Variants in LATS2 observed in about 807,000 individuals in gnomAD.
LATS2 encodes the protein large tumor suppressor kinase 2.
In LATS2, 24 loss-of-function variants were observed where a neutral mutation model predicts 76.0. That is an observed-to-expected ratio of 0.32 (90% CI 0.23 to 0.44). The LOEUF (loss-of-function observed/expected upper bound fraction) is 0.44, where lower values mean the gene tolerates loss of function less well. LATS2 is among the 20% of genes least tolerant of loss of function. LATS2 has a pLI of 1.00. For missense variants in LATS2, 1,286 were observed against 1,481.2 expected (o/e 0.87, Z 2.16); for synonymous variants, 692 against 635.4 (o/e 1.09, Z -1.34).
intron 2 of LATS2, among the ~76,000 whole-genome samples, chr13:20,996,147 T>G (rs1029781713): frequency 1.4e-4 from 21 of 152,142 alleles, no homozygotes; most frequent in African/African-American, 5.1e-4. Flanking sequence ...AGCACCAGAT[T>G]TGGCACAAGA....
intron 2 of LATS2, among the ~76,000 whole-genome samples, chr13:21,015,819 C>T (rs182508715): frequency 2.7e-4 from 40 of 150,086 alleles, no homozygotes; most frequent in African/African-American, 8.8e-4. Context: ...CTCGTCTCAG[C>T]CTCCCGAGTA....
intron 2 of LATS2, among the ~76,000 whole-genome samples, chr13:20,993,641 T>A (rs1261451362): frequency 1.3e-5 from 2 of 152,026 alleles, no homozygotes; most frequent in Non-Finnish European, 2.9e-5. Context: ...AAGTGGCGCC[T>A]GGACTACCAG....
intron 2 of LATS2, among the ~76,000 whole-genome samples, chr13:21,030,938 C>T (rs530668430): frequency 7.9e-5 from 12 of 151,866 alleles, no homozygotes; most frequent in Non-Finnish European, 1.3e-4. Flanking sequence ...TTTGTTCCCC[C>T]GGAAATGTCT....
chr13:21,030,613 A>AAAG (rs1555226890), intron 2 of LATS2, among the ~76,000 whole-genome samples: 45 of 19,492 alleles, frequency 2.3e-3, no homozygotes, highest in Admixed American at 5.6e-3. Context: ...AAAAAAAAAG[A>AAAG]AAAAAAAAAA....
intron 2 of LATS2, chr13:21,023,092 C>G (rs1329441687): frequency 6.6e-6 from 1 of 152,236 alleles, no homozygotes; most frequent in Non-Finnish European, 1.5e-5. Context: ...CAGTGTCGCT[C>G]GAGCCGGGGA....
At chr13:21,007,573 A>AGTATATATATATATATATATATATATAG (rs1192119841) in intron 2 of LATS2, among the ~76,000 whole-genome samples, 1 of 19,096 alleles carries the variant, frequency 5.2e-5, no homozygotes, top group Non-Finnish European at 7.0e-5. Flanking sequence ...ATATATATAT[A>AGTATATATATATATATATATATATATAG]TATATATATA....
At chr13:21,038,554 C>A (rs1872756004) in intron 2 of LATS2, 1 of 152,004 alleles carries the variant, frequency 6.6e-6, no homozygotes, top group Non-Finnish European at 1.5e-5. Context: ...TCAAAAATCG[C>A]CAGTGCTGAC....
chr13:21,008,711 G>A (rs558996619), intron 2 of LATS2, among the ~76,000 whole-genome samples: 2 of 152,270 alleles, frequency 1.3e-5, no homozygotes, highest in African/African-American at 4.8e-5. Flanking sequence ...CAAAGTTAGA[G>A]AGATGCTGCA....
chr13:21,009,508 A>T (rs186858641), intron 2 of LATS2, among the ~76,000 whole-genome samples: 1 of 152,348 alleles, frequency 6.6e-6, no homozygotes, highest in Admixed American at 6.5e-5. Context: ...TAAAACAATT[A>T]ACAGACTGTT....
chr13:20,988,333 C>T lies in LATS2; in HGVS notation c.1447G>A (p.Gly483Ser). ...GCATGCTCCTCCTTGGCGTCCAAGC[C>T]CTCCGCAGCCGGGGCGGGGGCGGGG... ...PAPAPAPAAEGLDAKEEHALA... is the reference protein window; with the variant it reads ...PAPAPAPAAESLDAKEEHALA... The change falls in exon 4 of 8, where the codon GGC becomes AGC. Residue 483 changes from glycine to serine, a missense_variant. Around this residue, in one of 5 missense-constraint regions of LATS2, gnomAD observed 710 missense variants for 660.9 expected, o/e 1.07. Coordinates refer to ENST00000382592, the MANE Select transcript of LATS2 (RefSeq NM_014572.3). 7.0e-7 allele frequency: 1 copy of T among 1,429,246 alleles called. No homozygotes were observed. Among genetic ancestry groups the T allele is most frequent in the Non-Finnish European group, 9.1e-7 (1 of 1,096,872 alleles). The allele number at this position is 1,429,246 out of a possible 1,614,324, so 88.5% of individuals were successfully genotyped here.
At chr13:21,040,043 A>G (rs2138394847) in intron 2 of LATS2, among the ~76,000 whole-genome samples, 1 of 152,026 alleles carries the variant, frequency 6.6e-6, no homozygotes, top group South Asian at 2.1e-4. Flanking sequence ...ATTGTATTCC[A>G]GCCTGGGCAA....
At chr13:21,053,115 G>A (rs1302635633) in intron 1 of LATS2, among the ~76,000 whole-genome samples, 2 of 151,064 alleles carry the variant, frequency 1.3e-5, no homozygotes, top group Non-Finnish European at 2.9e-5. Flanking sequence ...CGCACCTATA[G>A]TCCCAGCTAC....
intron 2 of LATS2, among the ~76,000 whole-genome samples, chr13:21,016,345 G>T (rs770108766): frequency 2.0e-5 from 3 of 147,548 alleles, no homozygotes. Context: ...GTACAGTGGC[G>T]TGATCTCGGC....
intron 1 of LATS2, among the ~76,000 whole-genome samples, chr13:21,058,922 T>C (rs1873534277): frequency 6.6e-6 from 1 of 151,672 alleles, no homozygotes; most frequent in African/African-American, 2.4e-5. Context: ...GTTACTACCT[T>C]ATTACAACGG....
intron 2 of LATS2, among the ~76,000 whole-genome samples, chr13:21,037,298 G>A (rs1872713282): frequency 6.6e-6 from 1 of 152,188 alleles, no homozygotes; most frequent in Non-Finnish European, 1.5e-5. Context: ...CAGCTACTCA[G>A]GAGGCTGACG....
intron 1 of LATS2, among the ~76,000 whole-genome samples, chr13:21,054,590 C>T (rs1873388021): frequency 6.6e-6 from 1 of 152,152 alleles, no homozygotes; most frequent in African/African-American, 2.4e-5. Flanking sequence ...CAGAGCCACG[C>T]TCCTAGAGAC....
chr13:21,050,297 C>T (rs1471174239), intron 1 of LATS2, among the ~76,000 whole-genome samples: 1 of 151,886 alleles, frequency 6.6e-6, no homozygotes. Flanking sequence ...GACAAATGTT[C>T]ACCAAGGAAC....
chr13:21,004,042 G>A (rs183635387), intron 2 of LATS2, among the ~76,000 whole-genome samples: 24 of 152,318 alleles, frequency 1.6e-4, no homozygotes, highest in Non-Finnish European at 3.2e-4. Flanking sequence ...ATCTCCCTGT[G>A]AGAAAAACAT....
chr13:21,018,547 G>A (rs1247940362), intron 2 of LATS2, among the ~76,000 whole-genome samples: 3 of 152,250 alleles, frequency 2.0e-5, no homozygotes, highest in Non-Finnish European at 4.4e-5. Flanking sequence ...CCCTGCTTGC[G>A]CAGCAGGTCC....
Sources: allele counts gnomAD v4.1 joint callset (sites outside exome capture counted in the v4.1 genomes callset), GRCh38; gene constraint gnomAD v4.1.1; regional missense constraint gnomAD v4.1.1; transcripts MANE v1.5; gene names NCBI Gene and HGNC (gene_info 2026-07-23, HGNC 2026-07-21).